The following PLAA variants were observed in gnomAD, a reference collection of about 807,000 sequenced individuals.
PLAA encodes the protein phospholipase A-2-activating protein.
In PLAA, 48 loss-of-function variants were observed where a neutral mutation model predicts 84.1. The ratio of observed to expected loss-of-function variants is 0.57; its 90% CI spans 0.45 to 0.73. PLAA has a LOEUF of 0.73. Ranked by LOEUF, PLAA falls within the 30% of genes least tolerant of loss-of-function variation. The pLI, the probability that PLAA is intolerant of heterozygous loss-of-function variation, is 0.00. For missense variants in PLAA, 903 were observed against 954.7 expected (o/e 0.95, Z 0.71); for synonymous variants, 392 against 336.6 (o/e 1.16, Z -1.80).
At position 26,926,386 on chromosome 9, in the gene PLAA, A is replaced by T; in HGVS notation, c.733+7T>A. On this transcript the variant is annotated splice_region_variant and intron_variant, in intron 5 of 13. Transcript: ENST00000397292. The stretch of plus-strand genomic sequence containing the variant: ...AACATTAAATAAATAGCATAAAATA[A>T]TCTTACCTCTACAATTTGGAAAAAC... 12 of 1,539,224 alleles carry T rather than the reference A, an allele frequency of 7.8e-6. No homozygotes were observed. The highest frequency in any genetic ancestry group is 9.0e-6 in the Non-Finnish European group (10 of 1,113,054).
intron 1 of PLAA, among the ~76,000 whole-genome samples, chr9:26,939,196 G>C (rs1825446732): frequency 6.6e-6 from 1 of 152,056 alleles, no homozygotes; most frequent in Non-Finnish European, 1.5e-5. Flanking sequence ...GGACTATCCT[G>C]GCTAACACGG....
At position 26,904,676 on chromosome 9, in the gene PLAA, T is replaced by C. The variant is rs1305726066; in HGVS notation, c.*835A>G. The C allele has an allele frequency of 6.6e-6, 1 of 152,220 alleles. No homozygotes were observed. The highest frequency in any genetic ancestry group is 1.5e-5 in the Non-Finnish European group (1 of 68,018). 9.4% of individuals were successfully genotyped at this position (152,220 alleles called of 1,614,324 possible). On this transcript the variant is annotated 3_prime_UTR_variant, in exon 14 of 14. Transcript: ENST00000397292. Reference sequence around the variant, plus strand: ...AATAGTAATTTCACATGACAGGTTCTAGACTTTCAAATAATACAGTTTGAT... The same window carrying C: ...AATAGTAATTTCACATGACAGGTTCCAGACTTTCAAATAATACAGTTTGAT...
chr9:26,905,618 G>A lies in PLAA; in HGVS notation c.2281C>T (p.Gln761Ter). Reference protein sequence around the residue: ...TLISDDSNAVQLAKSLGVDSQ... With the variant: ...TLISDDSNAV ...TCAACACCTAAAGACTTGGCTAATT[G>A]TACAGCATTTGAATCATCACTGATA... Residue 761 changes from glutamine (Q) to a stop codon, truncating the protein, a stop_gained, in exon 14 of 14, where the codon CAA becomes TAA. Coordinates refer to ENST00000397292, the MANE Select transcript of PLAA (RefSeq NM_001031689.3). LOFTEE classifies it high-confidence loss of function. 6.2e-7 allele frequency: 1 copy of A among 1,613,998 alleles called. No individual in the cohort carries two copies. The highest frequency in any genetic ancestry group is 8.5e-7 in the Non-Finnish European group (1 of 1,179,904).
intron 1 of PLAA, among the ~76,000 whole-genome samples, chr9:26,936,392 A>G (rs1409519274): frequency 6.6e-6 from 1 of 152,202 alleles, no homozygotes; most frequent in African/African-American, 2.4e-5. Flanking sequence ...ACTAGAGAAT[A>G]TTCTGGGAAG....
At chr9:26,922,311 A>G (rs1182196541) in intron 7 of PLAA, among the ~76,000 whole-genome samples, 1 of 151,288 alleles carries the variant, frequency 6.6e-6, no homozygotes, top group Non-Finnish European at 1.5e-5. Flanking sequence ...CTACAACTGC[A>G]TGCAAGTAGA....
intron 10 of PLAA, 21 bp downstream of exon 10, chr9:26,917,065 AGAAAGATACAT>A (rs756904224): frequency 3.8e-6 from 6 of 1,564,896 alleles, no homozygotes; most frequent in Non-Finnish European, 5.3e-6. Context: ...CATTTAGTGA[AGAAAGATACAT>A]GAATCAAAAC....
rs776400772 is a variant in PLAA, at chr9:26,917,127, T to G, written c.1456A>C (p.Asn486His). The G allele has an allele frequency of 1.9e-6, 3 of 1,613,924 alleles. No homozygotes were observed. The highest frequency in any genetic ancestry group is 2.5e-6 in the Non-Finnish European group (3 of 1,179,910). Residue 486 changes from asparagine to histidine, a missense_variant, in exon 10 of 14, where the codon AAC becomes CAC. Physicochemically the swap from Asn to His is moderately conservative, Grantham distance 68 (BLOSUM62 1). Coordinates refer to ENST00000397292, the MANE Select transcript of PLAA (RefSeq NM_001031689.3). ...AAAGGATCTGCTGTGGGTAGTGTGT[T>G]AGAAGATCCCGAAGAGCCCGGAACA... ...RYVPGSSGSSNTLPTADPFTG... is the reference protein window; with the variant it reads ...RYVPGSSGSSHTLPTADPFTG...
chr9:26,909,697 C>G (rs58255013), intron 12 of PLAA, among the ~76,000 whole-genome samples: 1 of 151,822 alleles, frequency 6.6e-6, no homozygotes, highest in African/African-American at 2.4e-5. Flanking sequence ...CTCGGGCTCA[C>G]TGCAACTCCT....
At chr9:26,920,549 A>G (rs1046339453) in intron 7 of PLAA, among the ~76,000 whole-genome samples, 165 bp from the exon 8 acceptor site, 6 of 152,252 alleles carry the variant, frequency 3.9e-5, no homozygotes, top group African/African-American at 1.4e-4. Context: ...GCCAAAAGAA[A>G]ATAACAGTTA....
intron 2 of PLAA, among the ~76,000 whole-genome samples, chr9:26,930,129 G>T (rs1825132362): frequency 6.8e-6 from 1 of 147,354 alleles, no homozygotes; most frequent in Non-Finnish European, 1.5e-5. Flanking sequence ...TTTTGAGACA[G>T]AGTCTCGCTC....
chr9:26,918,175 G>A (rs560928148), intron 9 of PLAA, among the ~76,000 whole-genome samples: 7 of 151,862 alleles, frequency 4.6e-5, no homozygotes, highest in African/African-American at 1.4e-4. Context: ...GCAATGGTGC[G>A]ATCTTGGCTC....
intron 11 of PLAA, among the ~76,000 whole-genome samples, chr9:26,911,741 A>C (rs1455059689): frequency 6.6e-6 from 1 of 152,224 alleles, no homozygotes. Flanking sequence ...TTTAAATCTA[A>C]TTTACATCTC....
intron 2 of PLAA, 42 bp downstream of exon 2, chr9:26,934,970 TA>T: frequency 7.2e-7 from 1 of 1,380,114 alleles, no homozygotes. Context: ...TTCAAAGGGA[TA>T]AAACTTCAAA....
Position 26,919,338 on chromosome 9 carries a change from C to T in PLAA, c.1389G>A (p.Gly463=). The T allele has an allele frequency of 1.9e-6, 3 of 1,610,556 alleles. No individual in the cohort carries two copies. The highest frequency in any genetic ancestry group is 2.5e-6 in the Non-Finnish European group (3 of 1,178,542). ...DNTKGQMLGL[G]NPSFSDPFTG... The stretch of plus-strand genomic sequence containing the variant: ...TAAATGGATCTGAAAAGCTGGGATT[C>T]CCAAGTCCCAACATTTGACCTTTTG... The change falls in exon 9 of 14, where the codon GGG becomes GGA. Residue 463 remains glycine (G), a synonymous_variant. Coordinates refer to ENST00000397292, the MANE Select transcript of PLAA (RefSeq NM_001031689.3).
chr9:26,920,270 C>T lies in PLAA; in HGVS notation c.1154G>A (p.Gly385Asp). 6.2e-7 allele frequency: 1 copy of T among 1,613,884 alleles called. No individual in the cohort carries two copies. The highest frequency in any genetic ancestry group is 1.3e-5 in the African/African-American group (1 of 75,016). Residue 385 changes from glycine to aspartate, a missense_variant, in exon 8 of 14, where the codon GGT (glycine) becomes GAT (aspartate). Physicochemically the swap from Gly to Asp is moderately conservative, Grantham distance 94. Coordinates refer to ENST00000397292, the MANE Select transcript of PLAA (RefSeq NM_001031689.3). ...TTTTCCAGATGTTTGCTGATTAGCACCAGATGAGCCAACAACATCACCAAT... is the reference window on the plus strand; with the variant it reads ...TTTTCCAGATGTTTGCTGATTAGCATCAGATGAGCCAACAACATCACCAAT... ...IKIGDVVGSSGANQQTSGKVL... is the reference protein window; with the variant it reads ...IKIGDVVGSSDANQQTSGKVL...
In PLAA at chr9:26,905,878, T is replaced by G. The variant is rs371139720; in HGVS notation, c.2021A>C (p.Lys674Thr). ...TGATTCCCTCTGGGACATCATGAGT[T>G]TTTGTCCTGCCTGGCCAACAAAACA... ...CNCFVGQAGQKLMMSQRESLM... is the reference protein window; with the variant it reads ...CNCFVGQAGQTLMMSQRESLM... Residue 674 changes from lysine (K) to threonine (T), a missense_variant, in exon 14 of 14, where the codon AAA becomes ACA. Physicochemically the swap from Lys to Thr is moderately conservative, Grantham distance 78. Coordinates refer to ENST00000397292, the MANE Select transcript of PLAA (RefSeq NM_001031689.3). 6.2e-6 allele frequency: 10 copies of G among 1,614,070 alleles called. No homozygotes were observed. Among genetic ancestry groups the G allele is most frequent in the East Asian group, 2.2e-5 (1 of 44,888 alleles).
rs1338461708 is a variant in PLAA at position 26,926,548 on chromosome 9, C to G, written c.578G>C (p.Cys193Ser). 1 of 1,613,048 alleles carries G rather than the reference C, an allele frequency of 6.2e-7. No homozygotes were observed. The highest frequency in any genetic ancestry group is 2.2e-5 in the East Asian group (1 of 44,786). The change falls in exon 5 of 14, where the codon TGT (cysteine) becomes TCT (serine). Residue 193 changes from cysteine (C) to serine (S), a missense_variant. Coordinates refer to ENST00000397292, the MANE Select transcript of PLAA (RefSeq NM_001031689.3). ...CERTFSGHEDCVRGLAILSET... is the reference protein window; with the variant it reads ...CERTFSGHEDSVRGLAILSET... Reference sequence around the variant, plus strand: ...ACTCAAAATTGCCAAACCTCTTACACAGTCTTCATGCCCTGCATTAAAAAA... The same window carrying G: ...ACTCAAAATTGCCAAACCTCTTACAGAGTCTTCATGCCCTGCATTAAAAAA...
chr9:26,906,194 A>T, intron 13 of PLAA, 118 bp from the exon 14 acceptor site: 1 of 597,066 alleles, frequency 1.7e-6, no homozygotes, highest in Non-Finnish European at 2.6e-6. Flanking sequence ...AAATGTGAAA[A>T]ATCATGTGTC....
In PLAA at chr9:26,906,035, T is replaced by C; in HGVS notation, c.1864A>G (p.Lys622Glu). Residue 622 changes from lysine to glutamate, a missense_variant, in exon 14 of 14, where the codon AAA (lysine) becomes GAA (glutamate). Lys to Glu is a moderately conservative substitution (Grantham distance 56). Transcript: ENST00000397292. ...AAGTTCTCATTCACACTGGGGTGTT[T>C]AATTGACAACCGAAGAATGTCAAGT... ...PALDILRLSIKHPSVNENFCN... is the reference protein window; with the variant it reads ...PALDILRLSIEHPSVNENFCN... The C allele has an allele frequency of 6.3e-7, 1 of 1,591,464 alleles. No homozygotes were observed. The highest frequency in any genetic ancestry group is 8.6e-7 in the Non-Finnish European group (1 of 1,166,938).
Sources: gnomAD v4.1 joint callset for allele counts (sites outside exome capture counted in the v4.1 genomes callset) on GRCh38, gnomAD v4.1.1 for gene constraint, MANE v1.5 for transcripts, NCBI Gene and HGNC (gene_info 2026-07-23, HGNC 2026-07-21) for gene names.